Variants in PDE5A observed in about 807,000 individuals in gnomAD.
PDE5A encodes the protein phosphodiesterase 5A.
A neutral mutation model predicts 110.2 loss-of-function variants in PDE5A; 67 were observed. That is an observed-to-expected ratio of 0.61 (90% CI 0.50 to 0.75). PDE5A has a LOEUF of 0.75. Among genes scored for constraint, PDE5A ranks in the 30% least tolerant of loss-of-function variants. PDE5A has a pLI of 0.00. For synonymous variants in PDE5A, 328 were observed against 351.2 expected, an observed-to-expected ratio of 0.93 and a Z score of 0.74; for missense variants, 862 against 1,045.1, an observed-to-expected ratio of 0.82 and a Z score of 2.42.
In PDE5A at chr4:119,525,701, G is replaced by T. The variant is rs1251032512; in HGVS notation, c.1633-6C>A. 2 of 1,570,192 alleles carry T rather than the reference G, an allele frequency of 1.3e-6. No individual in the cohort carries two copies. The stretch of plus-strand genomic sequence containing the variant: ...GCAGATGGCACCACAGCAGCCTTGG[G>T]TAAGGAAAGAAGAAAAAAAAAAATG... On this transcript the variant is annotated splice_polypyrimidine_tract_variant and splice_region_variant and intron_variant, in intron 11 of 20. Transcript: ENST00000354960. The surrounding 1 kb of genome is among the most constrained non-coding windows in gnomAD (Gnocchi z 4.3).
Position 119,553,615 on chromosome 4 carries a change from AAGTC to A in PDE5A, c.1308+19_1308+22del. 1 of 1,140,582 alleles carries A rather than the reference AAGTC, an allele frequency of 8.8e-7. No individual in the cohort carries two copies. The allele number at this position is 1,140,582 out of a possible 1,614,324, so 70.7% of individuals were successfully genotyped here. On this transcript the variant is annotated intron_variant, in intron 8 of 20. Transcript: ENST00000354960. ...GATGGGAAAACAGCCTTCTAGCTTC[AAGTC>A]TAAAATTGGGTTACTTACTGTCCAG...
In PDE5A at chr4:119,628,553, AAGTCCCAGTG is replaced by A. The variant is rs1730445480; in HGVS notation, c.109_118del (p.His37LeufsTer83). 2 of 1,602,236 alleles carry A rather than the reference AAGTCCCAGTG, an allele frequency of 1.2e-6. No individual in the cohort carries two copies. Among genetic ancestry groups the A allele is most frequent in the East Asian group, 4.5e-5 (2 of 44,486 alleles). ...TTTTCTAACAAAGTATGAGAAGGTA[AAGTCCCAGTG>A]ATCGTCCAGCCATGCTTCGACCGAG... is the stretch of plus-strand genomic sequence containing the variant. On this transcript the variant is annotated frameshift_variant, in exon 1 of 21. Coordinates refer to ENST00000354960, the MANE Select transcript of PDE5A (RefSeq NM_001083.4). LOFTEE classifies it high-confidence loss of function.
intron 1 of PDE5A, among the ~76,000 whole-genome samples, chr4:119,608,919 T>A (rs1003821577): frequency 9.9e-5 from 15 of 152,116 alleles, no homozygotes; most frequent in Admixed American, 8.5e-4. Flanking sequence ...CCCAGCACTT[T>A]GGGAGGCCGA....
At chr4:119,545,486 CA>C (rs1259490303) in intron 9 of PDE5A, among the ~76,000 whole-genome samples, 2 of 152,062 alleles carry the variant, frequency 1.3e-5, no homozygotes, top group East Asian at 3.9e-4. Flanking sequence ...TAAGTGCAAT[CA>C]CAAAATAAAA....
rs1409769694 is a variant in PDE5A at position 119,496,966 on chromosome 4, GATAAAA to G, written c.*1629_*1634del. 3 of 152,204 alleles carry G rather than the reference GATAAAA, an allele frequency of 2.0e-5. No homozygotes were observed. Among genetic ancestry groups the G allele is most frequent in the Middle Eastern group, 3.4e-3 (1 of 294 alleles). The allele number at this position is 152,204 out of a possible 1,614,324, so 9.4% of individuals were successfully genotyped here. On this transcript the variant is annotated 3_prime_UTR_variant, in exon 21 of 21. Coordinates refer to ENST00000354960, the MANE Select transcript of PDE5A (RefSeq NM_001083.4). ...CTATTTTTTGTTTTTTTACCAGAAT[GATAAAA>G]ATAAAACTGCATTATGTCAAGATAT...
intron 1 of PDE5A, among the ~76,000 whole-genome samples, 174 bp downstream of exon 1, chr4:119,628,346 A>G (rs564329426): frequency 1.6e-4 from 11 of 67,500 alleles, no homozygotes; most frequent in African/African-American, 4.7e-4. Context: ...AAGTTGTATC[A>G]AATCCGACAC....
intron 3 of PDE5A, among the ~76,000 whole-genome samples, chr4:119,570,502 C>A (rs1002620959): frequency 2.0e-5 from 3 of 152,154 alleles, no homozygotes; most frequent in Admixed American, 6.5e-5. Flanking sequence ...TGGCACTATG[C>A]ACAGCACAAA....
At chr4:119,590,142 T>C (rs891960353) in intron 3 of PDE5A, among the ~76,000 whole-genome samples, 4 of 152,240 alleles carry the variant, frequency 2.6e-5, no homozygotes, top group Non-Finnish European at 5.9e-5. Context: ...GCAAGTTCCC[T>C]ATATGTTTCA....
intron 11 of PDE5A, among the ~76,000 whole-genome samples, chr4:119,532,758 T>C (rs1391164671): frequency 6.6e-6 from 1 of 152,098 alleles, no homozygotes. Flanking sequence ...AAGGTCTATA[T>C]TTAGGCTACA....
chr4:119,524,634 T>G (rs1726243959), intron 12 of PDE5A, among the ~76,000 whole-genome samples: 1 of 152,184 alleles, frequency 6.6e-6, no homozygotes, highest in African/African-American at 2.4e-5. Context: ...CGCTGAAATG[T>G]GCCCCTGGCA....
intron 3 of PDE5A, among the ~76,000 whole-genome samples, chr4:119,586,026 G>C (rs929180775): frequency 1.3e-5 from 2 of 152,194 alleles, no homozygotes; most frequent in African/African-American, 4.8e-5. Flanking sequence ...ACCTGAGCCA[G>C]AAGGAACCAA....
intron 3 of PDE5A, among the ~76,000 whole-genome samples, chr4:119,575,000 T>C (rs1042610503): frequency 2.0e-5 from 3 of 152,140 alleles, no homozygotes; most frequent in Admixed American, 1.3e-4. Context: ...AAGGACCGGA[T>C]GGAGCTGAAA....
At chr4:119,536,946 T>C (rs1189364128) in intron 11 of PDE5A, among the ~76,000 whole-genome samples, 5 of 152,292 alleles carry the variant, frequency 3.3e-5, no homozygotes, top group South Asian at 2.1e-4. Flanking sequence ...GTAAACTTAG[T>C]TGACTTACAC....
At position 119,511,098 on chromosome 4, in the gene PDE5A, T is replaced by C; in HGVS notation, c.2037A>G (p.Ser679=). Residue 679 remains serine, a synonymous_variant, in exon 15 of 21, where the codon TCA becomes TCG. Transcript: ENST00000354960. ...EHPLAQLYCH[S]IMEHHHFDQC... ...GGTCAAAATGATGGTGTTCCATGAT[T>C]GAATGGCAGTAAAGCTGGGCAAGTG... 1 of 1,610,916 alleles carries C rather than the reference T, an allele frequency of 6.2e-7. No individual in the cohort carries two copies. Among genetic ancestry groups the C allele is most frequent in the South Asian group, 1.1e-5 (1 of 90,806 alleles).
chr4:119,582,904 T>A (rs1019548697), intron 3 of PDE5A, among the ~76,000 whole-genome samples: 4 of 152,200 alleles, frequency 2.6e-5, no homozygotes, highest in Admixed American at 2.0e-4. Flanking sequence ...GCTTTGTTGT[T>A]CCATTTGCAG....
rs75728801 is a variant in PDE5A, at chr4:119,564,840, T to C, written c.993+481A>G. 2.6e-4 allele frequency among the ~76,000 whole-genome samples: 40 copies of C among 152,180 alleles called. No homozygotes were observed. The East Asian group carries it at 5.6e-3, about 21-fold the overall frequency. On this transcript the variant is annotated intron_variant, in intron 5 of 20. Transcript: ENST00000354960. ...GTTGTAGAACAGTATATATTACCAA[T>C]GTGGGCAATTGTAAAAGAAAAAGTC...
intron 11 of PDE5A, among the ~76,000 whole-genome samples, chr4:119,536,543 C>T (rs1286943775): frequency 6.6e-6 from 1 of 152,126 alleles, no homozygotes; most frequent in Non-Finnish European, 1.5e-5. Flanking sequence ...ACTTCAAATA[C>T]TGTCATCAAC....
chr4:119,544,847 A>T (rs527733789), intron 9 of PDE5A, among the ~76,000 whole-genome samples: 1 of 152,326 alleles, frequency 6.6e-6, no homozygotes, highest in South Asian at 2.1e-4. Context: ...AGAGTCATTA[A>T]ATTATACCTT....
At chr4:119,518,933 C>G (rs1726012458) in intron 14 of PDE5A, 112 bp downstream of exon 14, 2 of 640,800 alleles carry the variant, frequency 3.1e-6, no homozygotes. Flanking sequence ...TAAATATAAC[C>G]AGAGTATGTT....
Sources: gnomAD v4.1 joint callset for allele counts (sites outside exome capture counted in the v4.1 genomes callset) on GRCh38, gnomAD v4.1.1 for gene constraint, Gnocchi (gnomAD v3.1) non-coding constraint, MANE v1.5 for transcripts, NCBI Gene and HGNC (gene_info 2026-07-23, HGNC 2026-07-21) for gene names.